USP43: variants seen among roughly 807,000 people sequenced by gnomAD.
The protein encoded by USP43 is ubiquitin carboxyl-terminal hydrolase 43.
A neutral mutation model predicts 90.7 loss-of-function variants in USP43; 33 were observed. The observed-to-expected ratio is 0.36, with a 90% confidence interval of 0.28 to 0.49. The LOEUF is 0.49. Among genes scored for constraint, USP43 ranks in the 20% least tolerant of loss-of-function variants. The pLI, the probability that USP43 is intolerant of heterozygous loss-of-function variation, is 0.98. For missense variants in USP43, 1,274 were observed against 1,476.4 expected, an observed-to-expected ratio of 0.86 and a Z score of 2.25; for synonymous variants, 598 against 615.8, an observed-to-expected ratio of 0.97 and a Z score of 0.43.
intron 14 of USP43, among the ~76,000 whole-genome samples, chr17:9,715,464 CA>C (rs572650631): frequency 2.3e-4 from 35 of 152,106 alleles, no homozygotes; most frequent in African/African-American, 6.3e-4. Context: ...AAAAAACAAA[CA>C]AAAAAACCAG....
chr17:9,681,936 T>G (rs751940237), intron 6 of USP43, among the ~76,000 whole-genome samples: 20 of 152,210 alleles, frequency 1.3e-4, no homozygotes, highest in Non-Finnish European at 1.6e-4. Flanking sequence ...GACAGGGAGA[T>G]GCTGGGCATT....
In USP43 at chr17:9,729,515, A is replaced by C. The variant is rs970031507; in HGVS notation, c.*525A>C. The C allele has an allele frequency of 2.0e-5, 3 of 151,832 alleles. No homozygotes were observed. In the South Asian group the frequency reaches 6.2e-4, roughly 31 times the overall value. 9.4% of individuals were successfully genotyped at this position (151,832 alleles called of 1,614,324 possible). On this transcript the variant is annotated 3_prime_UTR_variant, in exon 15 of 15. Transcript: ENST00000285199. ...ATGGTAAGGCAAGATTCTAGCAAAGAGAGATGGGAGATAAATGGCTGAGAG... is the reference window on the plus strand; with the variant it reads ...ATGGTAAGGCAAGATTCTAGCAAAGCGAGATGGGAGATAAATGGCTGAGAG...
At chr17:9,645,514 C>T (rs1313466193), upstream of USP43, 4 of 1,013,316 alleles carry the variant, frequency 3.9e-6, no homozygotes, top group Admixed American at 1.5e-4. This position sits in a 1 kb window ranked among gnomAD's most constrained non-coding sequence, Gnocchi z 6.8. Flanking sequence ...GCCCCGTCCC[C>T]GCACACCTGG....
chr17:9,717,503 A>G (rs1021683137), intron 14 of USP43, among the ~76,000 whole-genome samples: 5 of 152,148 alleles, frequency 3.3e-5, no homozygotes, highest in Non-Finnish European at 5.9e-5. Flanking sequence ...TCATTTTGCT[A>G]TAATGTTGAT....
At chr17:9,715,711 CTGTGTGTGTATGTG>C (rs1567681643) in intron 14 of USP43, among the ~76,000 whole-genome samples, 5 of 105,494 alleles carry the variant, frequency 4.7e-5, no homozygotes, top group Admixed American at 9.1e-5. Flanking sequence ...GTGTGTGTCT[CTGTGTGTGTATGTG>C]TGTGTGTGTG....
chr17:9,708,701 C>G (rs145491238), intron 12 of USP43, among the ~76,000 whole-genome samples: 1 of 152,298 alleles, frequency 6.6e-6, no homozygotes, highest in East Asian at 1.9e-4. Flanking sequence ...GATCCTGGCT[C>G]ACTGCAACCT....
chr17:9,698,775 A>G (rs2151986657), intron 9 of USP43, among the ~76,000 whole-genome samples: 1 of 152,362 alleles, frequency 6.6e-6, no homozygotes, highest in East Asian at 1.9e-4. Flanking sequence ...ATTCCAGTTG[A>G]AAAGTAGACT....
chr17:9,681,971 G>A (rs1174190245), intron 6 of USP43, among the ~76,000 whole-genome samples: 1 of 152,160 alleles, frequency 6.6e-6, no homozygotes, highest in African/African-American at 2.4e-5. Context: ...GACATTAACT[G>A]ACACTGACTA....
rs5819235 is a variant in USP43, at chr17:9,675,950, CTATT to C, written c.834-795_834-792del. Among the ~76,000 whole-genome samples the C allele has an allele frequency of 3.3e-3, 499 of 152,222 alleles. 2 individuals carry two copies. The highest frequency in any genetic ancestry group is 0.011 in the African/African-American group (470 of 41,534). On this transcript the variant is annotated intron_variant, in intron 4 of 14. Coordinates refer to ENST00000285199, the MANE Select transcript of USP43 (RefSeq NM_153210.5). Reference sequence around the variant, plus strand: ...GACGGCCCAGGTTCGAATCCCAGCTCTATTAATTAATTACCTGTGTGACTTGGGC... The same window carrying C: ...GACGGCCCAGGTTCGAATCCCAGCTCAATTAATTACCTGTGTGACTTGGGC...
intron 13 of USP43, among the ~76,000 whole-genome samples, chr17:9,710,899 T>G (rs774779172): frequency 6.6e-6 from 1 of 150,838 alleles, no homozygotes; most frequent in Non-Finnish European, 1.5e-5. Context: ...GCAAACCAAC[T>G]GTCCTTATCT....
chr17:9,667,615 G>A (rs114490420), intron 3 of USP43, among the ~76,000 whole-genome samples: 1 of 152,156 alleles, frequency 6.6e-6, no homozygotes, highest in Non-Finnish European at 1.5e-5. Context: ...TGTGCCTTTT[G>A]TTGGCCTCTG....
intron 12 of USP43, among the ~76,000 whole-genome samples, chr17:9,702,903 G>A (rs996102435): frequency 3.3e-5 from 5 of 152,198 alleles, no homozygotes; most frequent in Admixed American, 2.6e-4. Context: ...GGACAGAGAT[G>A]CGCTGGATGG....
intron 13 of USP43, 113 bp downstream of exon 13, chr17:9,710,227 G>A: frequency 8.3e-7 from 1 of 1,198,734 alleles, no homozygotes; most frequent in Non-Finnish European, 1.1e-6. Context: ...ATCTGAAAGA[G>A]GAAGCCCGGG....
At chr17:9,671,566 C>T (rs1304179986) in intron 3 of USP43, among the ~76,000 whole-genome samples, 1 of 152,040 alleles carries the variant, frequency 6.6e-6, no homozygotes, top group African/African-American at 2.4e-5. Flanking sequence ...CTTTGGTGGG[C>T]GTTTGTAGCA....
At chr17:9,649,475 C>A (rs1911704843) in intron 1 of USP43, among the ~76,000 whole-genome samples, 4 of 151,740 alleles carry the variant, frequency 2.6e-5, no homozygotes, top group Admixed American at 2.6e-4. Context: ...GCCCTGTCAC[C>A]CAGATAGTGA....
intron 2 of USP43, among the ~76,000 whole-genome samples, chr17:9,658,597 A>G (rs982594595): frequency 1.3e-5 from 2 of 152,318 alleles, no homozygotes; most frequent in Admixed American, 1.3e-4. Flanking sequence ...CCACACATTC[A>G]AAAGTCATGG....
intron 7 of USP43, among the ~76,000 whole-genome samples, chr17:9,683,183 G>A (rs1335371799): frequency 6.6e-6 from 1 of 152,144 alleles, no homozygotes; most frequent in African/African-American, 2.4e-5. Context: ...ATTAATCGGA[G>A]GAACAATTTT....
intron 1 of USP43, among the ~76,000 whole-genome samples, chr17:9,647,926 C>T (rs369945576): frequency 4.6e-5 from 7 of 151,584 alleles, no homozygotes; most frequent in African/African-American, 1.7e-4. Context: ...GAGGCTGGGG[C>T]AGGAGAATGG....
intron 12 of USP43, among the ~76,000 whole-genome samples, chr17:9,707,345 C>T (rs1178047238): frequency 6.6e-6 from 1 of 152,080 alleles, no homozygotes; most frequent in Non-Finnish European, 1.5e-5. Flanking sequence ...TAACATATTA[C>T]TTAATTTTAA....
Sources: allele counts gnomAD v4.1 joint callset (sites outside exome capture counted in the v4.1 genomes callset), GRCh38; gene constraint gnomAD v4.1.1; non-coding constraint Gnocchi (gnomAD v3.1); transcripts MANE v1.5; gene names NCBI Gene and HGNC (gene_info 2026-07-23, HGNC 2026-07-21).